The following SVEP1 variants were observed in gnomAD, a reference collection of about 807,000 sequenced individuals.
SVEP1 encodes the protein sushi, von Willebrand factor type A, EGF and pentraxin domain containing 1.
SVEP1 carries 164 observed loss-of-function variants against 367.3 expected under a neutral mutation model. That is an observed-to-expected ratio of 0.45 (90% CI 0.39 to 0.51). The LOEUF is 0.51. SVEP1 is among the 20% of genes least tolerant of loss of function. SVEP1 has a pLI of 0.00. For missense variants in SVEP1, 4,117 were observed against 4,425.3 expected, an observed-to-expected ratio of 0.93 and a Z score of 1.98; for synonymous variants, 1,666 against 1,611.6, an observed-to-expected ratio of 1.03 and a Z score of -0.81.
intron 1 of SVEP1, among the ~76,000 whole-genome samples, chr9:110,555,533 A>G (rs1005931937): frequency 4.6e-5 from 7 of 152,234 alleles, no homozygotes; most frequent in African/African-American, 1.7e-4. Flanking sequence ...TGTCAATAAC[A>G]TTCTTTAACA....
At chr9:110,518,254 C>T (rs1447543587) in intron 3 of SVEP1, among the ~76,000 whole-genome samples, 1 of 151,948 alleles carries the variant, frequency 6.6e-6, no homozygotes, top group African/African-American at 2.4e-5. Context: ...GAAACCCCGT[C>T]TCTACTAAAA....
intron 1 of SVEP1, among the ~76,000 whole-genome samples, chr9:110,559,410 T>C (rs1218490221): frequency 6.6e-6 from 1 of 152,070 alleles, no homozygotes; most frequent in Non-Finnish European, 1.5e-5. Flanking sequence ...GTTGAGCATT[T>C]TTGACCAAAC....
chr9:110,479,849 T>A (rs903624613), intron 12 of SVEP1, 93 bp from the exon 13 acceptor site: 3 of 1,501,822 alleles, frequency 2.0e-6, no homozygotes, highest in Non-Finnish European at 2.7e-6. Flanking sequence ...ATGTTTTAAT[T>A]CTAACATAAT....
chr9:110,552,224 G>T lies in SVEP1; in HGVS notation c.532-2120C>A, dbSNP rs183444537. Among the ~76,000 whole-genome samples the T allele has an allele frequency of 4.0e-4, 60 of 151,824 alleles. 1 individual carries two copies. The highest frequency in any genetic ancestry group is 1.5e-3 in the South Asian group (7 of 4,798). ...TTTTTGTATTTGTAGTAGAAACAGGGTTTCATCATGTTGGCCAGGATGGTC... is the reference window on the plus strand; with the variant it reads ...TTTTTGTATTTGTAGTAGAAACAGGTTTTCATCATGTTGGCCAGGATGGTC... On this transcript the variant is annotated intron_variant, in intron 1 of 47. Coordinates refer to ENST00000374469, the MANE Select transcript of SVEP1 (RefSeq NM_153366.4).
Position 110,513,098 on chromosome 9 carries a change from G to T in SVEP1, c.1131C>A (p.His377Gln). Residue 377 changes from histidine (H) to glutamine (Q), a missense_variant, in exon 5 of 48, where the codon CAC (histidine) becomes CAA (glutamine). His to Gln is a conservative substitution (Grantham distance 24, BLOSUM62 0). This residue lies in a region of SVEP1 where 2,174 missense variants were observed against 2,494.3 expected (regional missense o/e 0.87). Coordinates refer to ENST00000374469, the MANE Select transcript of SVEP1 (RefSeq NM_153366.4). The part of the protein sequence containing the change: ...RASGQTCELV[H>Q]CPALKPPENG... ...TTTCGGGAGGCTTCAGGGCAGGGCA[G>T]TGGACAACTAACATTTACAAAAATA... 1 of 1,609,526 alleles carries T rather than the reference G, an allele frequency of 6.2e-7. No homozygotes were observed. The highest frequency in any genetic ancestry group is 8.5e-7 in the Non-Finnish European group (1 of 1,177,088).
At chr9:110,552,905 CAATTTT>C (rs1161483385) in intron 1 of SVEP1, among the ~76,000 whole-genome samples, 26 of 152,268 alleles carry the variant, frequency 1.7e-4, no homozygotes, top group African/African-American at 5.8e-4. Context: ...AGAATCAATG[CAATTTT>C]AAGACACCTG....
At chr9:110,552,519 A>G (rs904190950) in intron 1 of SVEP1, among the ~76,000 whole-genome samples, 48 of 152,102 alleles carry the variant, frequency 3.2e-4, no homozygotes, top group African/African-American at 1.1e-3. Flanking sequence ...TAATTATACA[A>G]CTCACTATAA....
At chr9:110,469,705 A>G (rs1032636835) in intron 16 of SVEP1, among the ~76,000 whole-genome samples, 1 of 152,194 alleles carries the variant, frequency 6.6e-6, no homozygotes, top group African/African-American at 2.4e-5. Context: ...GATGTTAAAA[A>G]GTGTGTAATA....
chr9:110,375,778 C>A (rs888936191), intron 45 of SVEP1, among the ~76,000 whole-genome samples: 1 of 148,754 alleles, frequency 6.7e-6, no homozygotes. Context: ...ATAAGCAGAA[C>A]GGTCTCCATT....
intron 1 of SVEP1, among the ~76,000 whole-genome samples, chr9:110,557,147 G>A (rs1382936281): frequency 6.6e-6 from 1 of 152,152 alleles, no homozygotes; most frequent in Admixed American, 6.5e-5. Flanking sequence ...TATGGGAAAA[G>A]AATCTATTCT....
intron 8 of SVEP1, among the ~76,000 whole-genome samples, chr9:110,491,257 C>T (rs1208348420): frequency 4.6e-5 from 7 of 151,458 alleles, no homozygotes; most frequent in East Asian, 1.9e-4. Context: ...TTCTACTTTC[C>T]GTTACAGAAT....
chr9:110,470,972 C>T (rs1389738251), intron 16 of SVEP1, among the ~76,000 whole-genome samples: 1 of 152,034 alleles, frequency 6.6e-6, no homozygotes, highest in Admixed American at 6.6e-5. Context: ...TTCGTAGCCT[C>T]TCTGGCTTCA....
In SVEP1 at chr9:110,431,898, C is replaced by T. The variant is rs368158580; in HGVS notation, c.5353+17G>A. 37 of 1,613,144 alleles carry T rather than the reference C, an allele frequency of 2.3e-5. No homozygotes were observed. The African/African-American group carries it at 3.9e-4, about 17-fold the overall frequency. On this transcript the variant is annotated intron_variant, in intron 32 of 47. Transcript: ENST00000374469. ...AGAATGGAATTAGGAACTTTTAGTTCTACATATATTGGTTACCTGCACAGT... is the reference window on the plus strand; with the variant it reads ...AGAATGGAATTAGGAACTTTTAGTTTTACATATATTGGTTACCTGCACAGT...
chr9:110,479,122 G>C (rs1202230654), intron 13 of SVEP1, among the ~76,000 whole-genome samples: 1 of 152,060 alleles, frequency 6.6e-6, no homozygotes, highest in Non-Finnish European at 1.5e-5. Context: ...GTTTCACCAT[G>C]TTGGCCAGGC....
intron 43 of SVEP1, among the ~76,000 whole-genome samples, chr9:110,380,098 C>T (rs940956101): frequency 1.6e-4 from 25 of 152,130 alleles, no homozygotes; most frequent in African/African-American, 6.0e-4. Flanking sequence ...CTTTTCAATA[C>T]TGTAAAAGAG....
intron 17 of SVEP1, among the ~76,000 whole-genome samples, chr9:110,466,777 A>AAAAAAAAAAAAAAAAAAAAC: frequency 6.8e-6 from 1 of 146,156 alleles, no homozygotes; most frequent in Non-Finnish European, 1.5e-5. Context: ...AAAAAAAAAA[A>AAAAAAAAAAAAAAAAAAAAC]AGAACTGGCT....
intron 9 of SVEP1, among the ~76,000 whole-genome samples, chr9:110,487,359 G>A (rs1469568379): frequency 6.6e-6 from 1 of 152,104 alleles, no homozygotes; most frequent in Non-Finnish European, 1.5e-5. Context: ...ATTAAAACTT[G>A]GCAAACTCCT....
At chr9:110,391,105 T>G (rs901548998) in intron 40 of SVEP1, among the ~76,000 whole-genome samples, 1 of 152,202 alleles carries the variant, frequency 6.6e-6, no homozygotes, top group Non-Finnish European at 1.5e-5. Context: ...TAATAAAATG[T>G]CGTTTTCAAA....
At position 110,411,636 on chromosome 9, in the gene SVEP1, G is replaced by T. The variant is rs757983347; in HGVS notation, c.6075C>A (p.Pro2025=). ...QCLAVSCDEP[P]IVDHASPETA... is the part of the protein sequence containing the mutation. ...TCTCTGGAGAGGCGTGGTCCACAATGGGTGGCTCATCACAGGAGACAGCCA... is the reference window on the plus strand; with the variant it reads ...TCTCTGGAGAGGCGTGGTCCACAATTGGTGGCTCATCACAGGAGACAGCCA... Residue 2025 remains proline, a synonymous_variant, in exon 37 of 48, where the codon CCC becomes CCA. Transcript: ENST00000374469. 3 of 1,612,234 alleles carry T rather than the reference G, an allele frequency of 1.9e-6. No homozygotes were observed.
Sources: gnomAD v4.1 joint callset for allele counts (sites outside exome capture counted in the v4.1 genomes callset) on GRCh38, gnomAD v4.1.1 for gene constraint, gnomAD v4.1.1 regional missense constraint, MANE v1.5 for transcripts, NCBI Gene and HGNC (gene_info 2026-07-23, HGNC 2026-07-21) for gene names.